Variants in NBEAL1 observed in about 807,000 individuals in gnomAD.
NBEAL1 encodes the protein neurobeachin-like protein 1.
A neutral mutation model predicts 351.3 loss-of-function variants in NBEAL1; 273 were observed. The observed-to-expected ratio is 0.78, with a 90% CI of 0.70 to 0.86. The LOEUF (loss-of-function observed/expected upper bound fraction) is 0.86. Among genes scored for constraint, NBEAL1 ranks in the 40% least tolerant of loss-of-function variants. The probability of loss-of-function intolerance (pLI) is 0.00; values close to 1 mark genes in which losing one functional copy is unlikely to be tolerated. For synonymous variants in NBEAL1, 1,050 were observed against 1,086.4 expected (o/e 0.97, Z 0.66); for missense variants, 2,961 against 3,201.3 (o/e 0.92, Z 1.81).
intron 7 of NBEAL1, among the ~76,000 whole-genome samples, chr2:203,071,108 T>A (rs2061675189): frequency 6.6e-6 from 1 of 152,206 alleles, no homozygotes; most frequent in South Asian, 2.1e-4. Context: ...GTGTCTCTGT[T>A]CAAGGATGGT....
chr2:203,126,477 C>A, intron 21 of NBEAL1, 80 bp from the exon 22 acceptor site: 2 of 1,093,672 alleles, frequency 1.8e-6, no homozygotes, highest in East Asian at 3.0e-5. Context: ...AGTAGATGTT[C>A]TGATTAATGA....
At chr2:203,210,850 C>G in intron 53 of NBEAL1, 108 bp from the exon 54 acceptor site, 1 of 560,538 alleles carries the variant, frequency 1.8e-6, no homozygotes, top group East Asian at 3.2e-5. Context: ...TATTTTTATC[C>G]TAAAATGTTA....
At chr2:203,090,617 G>C (rs1019414746) in intron 10 of NBEAL1, among the ~76,000 whole-genome samples, 1 of 152,120 alleles carries the variant, frequency 6.6e-6, no homozygotes. Flanking sequence ...GGCCAGGCAC[G>C]GTGGCTCATG....
At chr2:203,095,361 C>A (rs2062159855) in intron 10 of NBEAL1, among the ~76,000 whole-genome samples, 1 of 151,996 alleles carries the variant, frequency 6.6e-6, no homozygotes, top group African/African-American at 2.4e-5. Context: ...ATGGCTCGAT[C>A]TCGGCTCACC....
chr2:203,194,753 T>A (rs1173713986), intron 47 of NBEAL1, among the ~76,000 whole-genome samples: 6 of 152,190 alleles, frequency 3.9e-5, no homozygotes, highest in Non-Finnish European at 8.8e-5. Context: ...GGTGGTGGGC[T>A]GGCTTTGTCC....
chr2:203,146,811 GTAA>G (rs888031925), intron 33 of NBEAL1, among the ~76,000 whole-genome samples: 10 of 151,966 alleles, frequency 6.6e-5, no homozygotes, highest in Non-Finnish European at 1.2e-4. Context: ...AATAATAATG[GTAA>G]TAATAATATA....
chr2:203,200,650 C>T (rs1215206346), intron 49 of NBEAL1, among the ~76,000 whole-genome samples: 6 of 152,064 alleles, frequency 3.9e-5, no homozygotes, highest in African/African-American at 1.4e-4. Flanking sequence ...GCCGAGATTG[C>T]GCCACTGCAC....
intron 48 of NBEAL1, among the ~76,000 whole-genome samples, chr2:203,198,253 TCCTC>T (rs763924781): frequency 3.3e-5 from 5 of 151,858 alleles, no homozygotes; most frequent in Non-Finnish European, 5.9e-5. Context: ...GCTCAAGTGA[TCCTC>T]CCACCTGAGC....
chr2:203,187,438 A>C (rs1257106349), intron 44 of NBEAL1, among the ~76,000 whole-genome samples: 1 of 137,852 alleles, frequency 7.3e-6, no homozygotes, highest in Non-Finnish European at 1.5e-5. Context: ...TTGTGCTTAC[A>C]AATCAAATAG....
rs149486710 is a variant in NBEAL1, at chr2:203,031,628, C to A, written c.52-10137C>A. Among the ~76,000 whole-genome samples, 489 of 152,044 alleles carry A rather than the reference C, an allele frequency of 3.2e-3. 3 individuals carry two copies. The highest frequency in any genetic ancestry group is 0.011 in the African/African-American group (459 of 41,470). On this transcript the variant is annotated intron_variant, in intron 2 of 55. Coordinates refer to ENST00000683969, the MANE Select transcript of NBEAL1 (RefSeq NM_001378026.1). Reference sequence around the variant, plus strand: ...TTCAAAGATGTCAAATGTTAAGAATCTTAGAATCATAGAAATATGAAAAAA... The same window carrying A: ...TTCAAAGATGTCAAATGTTAAGAATATTAGAATCATAGAAATATGAAAAAA...
Position 203,016,454 on chromosome 2 carries a change from ATT to A in NBEAL1, c.51+23_51+24del. The A allele has an allele frequency of 7.1e-7, 1 of 1,406,106 alleles. No homozygotes were observed. Among genetic ancestry groups the A allele is most frequent in the Non-Finnish European group, 9.5e-7 (1 of 1,051,250 alleles). The allele number at this position is 1,406,106 out of a possible 1,614,324, so 87.1% of individuals were successfully genotyped here. Reference sequence around the variant, plus strand: ...TACAAAGGTAATTGCTTTCCTTTTTATTTTTATGTTTTAAAATACTTTATTAT... The same window carrying A: ...TACAAAGGTAATTGCTTTCCTTTTTATTTATGTTTTAAAATACTTTATTAT... On this transcript the variant is annotated intron_variant, in intron 2 of 55. Transcript: ENST00000683969.
intron 3 of NBEAL1, among the ~76,000 whole-genome samples, chr2:203,043,147 C>T (rs1204929176): frequency 6.6e-6 from 1 of 151,982 alleles, no homozygotes; most frequent in Non-Finnish European, 1.5e-5. Flanking sequence ...ACAGTAGGAC[C>T]TTAGAAAACA....
intron 46 of NBEAL1, chr2:203,190,600 C>A: frequency 1.7e-6 from 1 of 599,724 alleles, no homozygotes; most frequent in Non-Finnish European, 2.7e-6. Flanking sequence ...CATGCTGGGA[C>A]TCATTCCACA....
chr2:203,153,302 ATT>A (rs5837843), intron 35 of NBEAL1, among the ~76,000 whole-genome samples: 3 of 124,134 alleles, frequency 2.4e-5, no homozygotes, highest in African/African-American at 3.1e-5. Flanking sequence ...CATGCCCAGC[ATT>A]TTTTTTTTTT....
chr2:203,071,906 T>C (rs771360290), intron 7 of NBEAL1, among the ~76,000 whole-genome samples: 3 of 152,154 alleles, frequency 2.0e-5, no homozygotes, highest in Non-Finnish European at 2.9e-5. Flanking sequence ...CCCTCTTTGG[T>C]TGATACTCTG....
Position 203,049,955 on chromosome 2 carries a change from G to A in NBEAL1, c.285G>A (p.Lys95=). The part of the protein sequence containing the change: ...QQQALSILLV[K]FFIILCRNLS... ...AAGCCTTGTCAATTTTGCTTGTCAAGTTCTTCATTATTCTTTGCAGGTATC... is the reference window on the plus strand; with the variant it reads ...AAGCCTTGTCAATTTTGCTTGTCAAATTCTTCATTATTCTTTGCAGGTATC... Residue 95 remains lysine, a synonymous_variant, in exon 4 of 56, where the codon AAG becomes AAA. Coordinates refer to ENST00000683969, the MANE Select transcript of NBEAL1 (RefSeq NM_001378026.1). 1 of 1,552,764 alleles carries A rather than the reference G, an allele frequency of 6.4e-7. No individual in the cohort carries two copies. Among genetic ancestry groups the A allele is most frequent in the Non-Finnish European group, 8.7e-7 (1 of 1,147,136 alleles).
chr2:203,205,881 A>T (rs2065539978), intron 51 of NBEAL1, among the ~76,000 whole-genome samples: 1 of 152,270 alleles, frequency 6.6e-6, no homozygotes, highest in Non-Finnish European at 1.5e-5. Context: ...TCACAGGGAA[A>T]GACAAATTTG....
intron 34 of NBEAL1, among the ~76,000 whole-genome samples, chr2:203,150,568 A>C (rs2063624159): frequency 6.6e-6 from 1 of 151,944 alleles, no homozygotes; most frequent in South Asian, 2.1e-4. Context: ...AGTCCAGTTT[A>C]ATCTATTTTG....
At chr2:203,193,677 T>C in intron 46 of NBEAL1, 118 bp from the exon 47 acceptor site, 2 of 603,862 alleles carry the variant, frequency 3.3e-6, no homozygotes, top group Non-Finnish European at 5.7e-6. Flanking sequence ...ACACCTATAA[T>C]TGTCAACAAT....
Sources: gnomAD v4.1 joint callset for allele counts (sites outside exome capture counted in the v4.1 genomes callset) on GRCh38, gnomAD v4.1.1 for gene constraint, MANE v1.5 for transcripts, NCBI Gene and HGNC (gene_info 2026-07-23, HGNC 2026-07-21) for gene names.